The following ANKHD1 variants were observed in gnomAD, a reference collection of about 807,000 sequenced individuals.
ANKHD1 encodes the protein ankyrin repeat and KH domain containing 1.
Under a neutral mutation model 230.5 loss-of-function variants are expected in ANKHD1, and 31 were observed. The ratio of observed to expected loss-of-function variants is 0.13; its 90% CI spans 0.10 to 0.18. The LOEUF (loss-of-function observed/expected upper bound fraction) is 0.18, where lower values mean the gene tolerates loss of function less well. Among genes scored for constraint, ANKHD1 ranks in the 10% least tolerant of loss-of-function variants. ANKHD1 has a pLI of 1.00. For missense variants in ANKHD1, 2,256 were observed against 3,071.3 expected (o/e 0.73, Z 6.27); for synonymous variants, 1,074 against 1,117.6 (o/e 0.96, Z 0.78).
At position 140,527,239 on chromosome 5, in the gene ANKHD1, A is replaced by G; in HGVS notation, c.5087+165A>G. 1 of 1,160,384 alleles carries G rather than the reference A, an allele frequency of 8.6e-7. No homozygotes were observed. Among genetic ancestry groups the G allele is most frequent in the Non-Finnish European group, 1.1e-6 (1 of 889,868 alleles). 71.9% of individuals were successfully genotyped at this position (1,160,384 alleles called of 1,614,324 possible). A position where few individuals can be genotyped will look rare whatever the true frequency, so the allele number is the denominator to read the frequency against. ...TAAAGCAAAATTAGAAGCAGTATGT[A>G]AATTTTGCATGCATATTTTATATGA... is the stretch of plus-strand genomic sequence containing the variant. On this transcript the variant is annotated intron_variant, in intron 27 of 33. Transcript: ENST00000360839. The surrounding 1 kb of genome is among the most constrained non-coding windows in gnomAD (Gnocchi z 4.5).
At chr5:140,436,604 G>C (rs1478633380) in intron 2 of ANKHD1, among the ~76,000 whole-genome samples, 3 of 152,100 alleles carry the variant, frequency 2.0e-5, no homozygotes, top group Admixed American at 6.6e-5. Flanking sequence ...AAATTAGCCA[G>C]GTATGGCGGT....
intron 24 of ANKHD1, among the ~76,000 whole-genome samples, chr5:140,519,527 A>G (rs1411646765): frequency 1.3e-5 from 2 of 152,244 alleles, no homozygotes; most frequent in African/African-American, 4.8e-5. Context: ...ACTTCCAACT[A>G]TACTACAAGG....
intron 10 of ANKHD1, among the ~76,000 whole-genome samples, chr5:140,477,678 C>T (rs923558507): frequency 6.6e-6 from 1 of 152,206 alleles, no homozygotes; most frequent in Non-Finnish European, 1.5e-5. Context: ...GTGGTGCCAT[C>T]TTAGCTCACT....
At chr5:140,473,705 A>T (rs562496735) in intron 10 of ANKHD1, among the ~76,000 whole-genome samples, 4 of 152,320 alleles carry the variant, frequency 2.6e-5, no homozygotes, top group African/African-American at 9.6e-5. Flanking sequence ...ACAAAATGTG[A>T]TGTGAACATG....
chr5:140,523,983 C>G (rs1753486014), intron 24 of ANKHD1, 83 bp from the exon 25 acceptor site: 4 of 1,461,156 alleles, frequency 2.7e-6, no homozygotes, highest in Non-Finnish European at 3.6e-6. Context: ...ATGGAAATCC[C>G]TGTGTATCAT....
intron 16 of ANKHD1, 51 bp from the exon 17 acceptor site, chr5:140,505,071 A>ATTTT: frequency 6.2e-7 from 1 of 1,604,156 alleles, no homozygotes; most frequent in Middle Eastern, 1.7e-4. Flanking sequence ...TTGCTCTTAA[A>ATTTT]TTGATAACTT....
In ANKHD1 at chr5:140,507,876, G is replaced by C; in HGVS notation, c.3643G>C (p.Asp1215His). 1 of 1,614,140 alleles carries C rather than the reference G, an allele frequency of 6.2e-7. No individual in the cohort carries two copies. Among genetic ancestry groups the C allele is most frequent in the Non-Finnish European group, 8.5e-7 (1 of 1,180,038 alleles). ...AAAATTGCTGCTCGATATGGGTTCA[G>C]ACATTAATGCCCAAATAGAGACCAA... ...AVKLLLDMGSDINAQIETNRN... is the reference protein window; with the variant it reads ...AVKLLLDMGSHINAQIETNRN... Residue 1215 changes from aspartate (D) to histidine (H), a missense_variant, in exon 20 of 34, where the codon GAC becomes CAC. By Grantham distance (81) the Asp-to-His change is moderately conservative. This residue lies in a region of ANKHD1 where 195 missense variants were observed against 340.3 expected (regional missense o/e 0.57). Transcript: ENST00000360839. This position sits in a 1 kb window ranked among gnomAD's most constrained non-coding sequence, Gnocchi z 4.1.
intron 15 of ANKHD1, among the ~76,000 whole-genome samples, chr5:140,499,299 A>C (rs1472946705): frequency 6.6e-6 from 1 of 152,158 alleles, no homozygotes; most frequent in Non-Finnish European, 1.5e-5. Flanking sequence ...AGGGTGAATT[A>C]GGTTAATACC....
Position 140,505,118 on chromosome 5 carries a change from C to G in ANKHD1, c.3151-4C>G. ...AATTTTAACTTATTTTTTTCTTCTCCTAGACTGAGAGCAATCATGACACAG... is the reference window on the plus strand; with the variant it reads ...AATTTTAACTTATTTTTTTCTTCTCGTAGACTGAGAGCAATCATGACACAG... On this transcript the variant is annotated splice_region_variant and splice_polypyrimidine_tract_variant and intron_variant, in intron 16 of 33. Transcript: ENST00000360839. 6.2e-7 allele frequency: 1 copy of G among 1,612,952 alleles called. No homozygotes were observed. Among genetic ancestry groups the G allele is most frequent in the Non-Finnish European group, 8.5e-7 (1 of 1,179,740 alleles).
intron 14 of ANKHD1, among the ~76,000 whole-genome samples, chr5:140,495,561 C>T (rs926123052): frequency 6.6e-6 from 1 of 152,082 alleles, no homozygotes; most frequent in African/African-American, 2.4e-5. Flanking sequence ...TACTTCTAAA[C>T]AAGATTAAGC....
At chr5:140,504,221 C>T (rs1413258594) in intron 15 of ANKHD1, among the ~76,000 whole-genome samples, 2 of 151,896 alleles carry the variant, frequency 1.3e-5, no homozygotes, top group Non-Finnish European at 2.9e-5. Flanking sequence ...GGCTAACTTT[C>T]TGTTTTTTTT....
chr5:140,454,075 TAAA>T (rs1157811665), intron 7 of ANKHD1, among the ~76,000 whole-genome samples: 2 of 152,048 alleles, frequency 1.3e-5, no homozygotes, highest in Non-Finnish European at 2.9e-5. Context: ...TAGTCTCTGA[TAAA>T]AACAGACTTT....
At chr5:140,430,520 T>G (rs75040007) in intron 1 of ANKHD1, among the ~76,000 whole-genome samples, 1 of 152,290 alleles carries the variant, frequency 6.6e-6, no homozygotes, top group African/African-American at 2.4e-5. Context: ...CATACTATTA[T>G]TTTGGGCTTA....
chr5:140,517,425 C>T (rs1753076411), intron 24 of ANKHD1, among the ~76,000 whole-genome samples: 1 of 151,400 alleles, frequency 6.6e-6, no homozygotes, highest in African/African-American at 2.4e-5. Flanking sequence ...GAACTCAGCT[C>T]TGCACCAAGC....
Position 140,510,097 on chromosome 5 carries a change from T to G in ANKHD1, c.4020T>G (p.Val1340=), listed in dbSNP as rs201130772. Residue 1340 remains valine (V), a synonymous_variant, in exon 22 of 34, where the codon GTT becomes GTG. Transcript: ENST00000360839. ...CATCCAATGGAGGTCATTTTGATGT[T>G]GTGCAGTTGCTAGTGCAAGCAGGTG... ...WLASNGGHFD[V]VQLLVQAGAD... 220 of 1,614,096 alleles carry G rather than the reference T, an allele frequency of 1.4e-4. No homozygotes were observed. In the East Asian group the frequency reaches 4.4e-3, roughly 32 times the overall value.
At chr5:140,431,159 G>A (rs1037375728) in intron 1 of ANKHD1, among the ~76,000 whole-genome samples, 6 of 152,050 alleles carry the variant, frequency 3.9e-5, no homozygotes, top group African/African-American at 1.2e-4. Context: ...AAAGAGGGTG[G>A]GACAAAGGAA....
chr5:140,524,653 G>C (rs923913445), intron 25 of ANKHD1, among the ~76,000 whole-genome samples: 19 of 152,178 alleles, frequency 1.2e-4, no homozygotes, highest in African/African-American at 3.9e-4. Flanking sequence ...GATGGGTTTA[G>C]TACTCTCAAA....
At chr5:140,451,551 C>T (rs1043185369) in intron 7 of ANKHD1, among the ~76,000 whole-genome samples, 11 of 152,118 alleles carry the variant, frequency 7.2e-5, no homozygotes, top group African/African-American at 2.7e-4. Flanking sequence ...CTCTATCATT[C>T]AGGCTGGGTG....
intron 9 of ANKHD1, among the ~76,000 whole-genome samples, chr5:140,459,945 A>C (rs1184624984): frequency 1.3e-5 from 2 of 152,170 alleles, no homozygotes; most frequent in Non-Finnish European, 2.9e-5. Context: ...AAGATTTCTT[A>C]CTGTTATTAA....
Sources: allele counts gnomAD v4.1 joint callset (sites outside exome capture counted in the v4.1 genomes callset), GRCh38; gene constraint gnomAD v4.1.1; regional missense constraint gnomAD v4.1.1; non-coding constraint Gnocchi (gnomAD v3.1); transcripts MANE v1.5; gene names NCBI Gene and HGNC (gene_info 2026-07-23, HGNC 2026-07-21).